Variants in TMEM132D observed in about 807,000 individuals in gnomAD.
The protein encoded by TMEM132D is transmembrane protein 132D.
TMEM132D carries 21 observed loss-of-function variants against 62.3 expected under a neutral mutation model. That is an observed-to-expected ratio of 0.34 (90% confidence interval 0.24 to 0.49). The LOEUF is 0.49. Among genes scored for constraint, TMEM132D ranks in the 20% least tolerant of loss-of-function variants. The pLI is 0.99. For missense variants in TMEM132D, 1,346 were observed against 1,402.8 expected (o/e 0.96, Z 0.65); for synonymous variants, 621 against 575.6 (o/e 1.08, Z -1.13).
chr12:129,495,055 T>C (rs1178423101), intron 3 of TMEM132D, among the ~76,000 whole-genome samples: 5 of 152,082 alleles, frequency 3.3e-5, no homozygotes, highest in African/African-American at 1.2e-4. Flanking sequence ...GCCAGAAACA[T>C]AGGCTGCCTG....
At chr12:129,623,682 T>C (rs1167009348) in intron 2 of TMEM132D, among the ~76,000 whole-genome samples, 42 of 138,934 alleles carry the variant, frequency 3.0e-4, no homozygotes, top group African/African-American at 1.1e-3. Context: ...TACACATATA[T>C]ATACATATAT....
chr12:129,750,411 T>C (rs1006648600), intron 1 of TMEM132D, among the ~76,000 whole-genome samples: 3 of 152,164 alleles, frequency 2.0e-5, no homozygotes, highest in Non-Finnish European at 4.4e-5. Flanking sequence ...ATGGAGAAAG[T>C]TATTTTCTAA....
rs369359238 is a variant in TMEM132D at position 129,646,625 on chromosome 12, A to G, written c.968+53185T>C. On this transcript the variant is annotated intron_variant, in intron 2 of 8. Transcript: ENST00000422113. ...ACTCTCTCTCTCCACTGAACTCTCT[A>G]TTTCCCCCAAGATAATTACAATCAT... is the stretch of plus-strand genomic sequence containing the variant. 9.9e-5 allele frequency among the ~76,000 whole-genome samples: 15 copies of G among 151,996 alleles called. No homozygotes were observed. The East Asian group carries it at 2.1e-3, about 22-fold the overall frequency.
chr12:129,245,496 T>C (rs575351960), intron 4 of TMEM132D, among the ~76,000 whole-genome samples: 96 of 152,336 alleles, frequency 6.3e-4, no homozygotes, highest in African/African-American at 2.2e-3. Context: ...TTGGCAATTA[T>C]GAATAAAGCT....
chr12:129,189,612 C>A (rs548413815), intron 5 of TMEM132D, among the ~76,000 whole-genome samples: 2 of 152,084 alleles, frequency 1.3e-5, no homozygotes, highest in Non-Finnish European at 2.9e-5. Flanking sequence ...GGAGTCCCCA[C>A]GGGAAATCAC....
chr12:129,089,885 C>G (rs916853331), intron 5 of TMEM132D, among the ~76,000 whole-genome samples: 2 of 152,240 alleles, frequency 1.3e-5, no homozygotes, highest in Admixed American at 1.3e-4. Context: ...GCCTCCTGCT[C>G]CAGGACAGCT....
chr12:129,244,322 C>G (rs1177979591), intron 4 of TMEM132D, among the ~76,000 whole-genome samples: 4 of 146,688 alleles, frequency 2.7e-5, no homozygotes, highest in Non-Finnish European at 4.5e-5. Context: ...GGAGGCGGAG[C>G]TTGCAGTGAG....
intron 2 of TMEM132D, among the ~76,000 whole-genome samples, chr12:129,645,064 C>G (rs1468532737): frequency 3.3e-5 from 5 of 151,522 alleles, no homozygotes; most frequent in Non-Finnish European, 7.4e-5. Flanking sequence ...AGATAAGTAG[C>G]CTTGCAAGGC....
At chr12:129,777,186 T>TC (rs911500814) in intron 1 of TMEM132D, among the ~76,000 whole-genome samples, 8 of 152,306 alleles carry the variant, frequency 5.3e-5, no homozygotes, top group African/African-American at 1.9e-4. Context: ...GAGTGGTGAT[T>TC]CAGCGGTGGT....
At chr12:129,748,239 T>G (rs1488061801) in intron 1 of TMEM132D, among the ~76,000 whole-genome samples, 8 of 152,164 alleles carry the variant, frequency 5.3e-5, no homozygotes, top group Non-Finnish European at 1.0e-4. Context: ...AAGAATGAAT[T>G]AGGATTTTCC....
At chr12:129,262,620 T>G (rs1325747305) in intron 4 of TMEM132D, 1 of 152,216 alleles carries the variant, frequency 6.6e-6, no homozygotes, top group Non-Finnish European at 1.5e-5. Context: ...ATCTCTTATG[T>G]TTTGAATACT....
At chr12:129,583,742 C>T (rs555255069) in intron 2 of TMEM132D, among the ~76,000 whole-genome samples, 2 of 152,280 alleles carry the variant, frequency 1.3e-5, no homozygotes, top group East Asian at 1.9e-4. Flanking sequence ...CAAAGAATCC[C>T]TTGGAGACAT....
At chr12:129,663,137 C>T (rs1305130167) in intron 2 of TMEM132D, among the ~76,000 whole-genome samples, 1 of 151,522 alleles carries the variant, frequency 6.6e-6, no homozygotes, top group Non-Finnish European at 1.5e-5. Context: ...CAACGTCTGC[C>T]CTTTTTTTTT....
intron 1 of TMEM132D, among the ~76,000 whole-genome samples, chr12:129,713,505 CT>C (rs554087748): frequency 6.6e-6 from 1 of 151,802 alleles, no homozygotes; most frequent in Non-Finnish European, 1.5e-5. Context: ...TCCAAGGCAA[CT>C]TTTTTTTCTT....
intron 2 of TMEM132D, among the ~76,000 whole-genome samples, chr12:129,636,906 T>C (rs1182357600): frequency 1.3e-5 from 2 of 152,156 alleles, no homozygotes; most frequent in East Asian, 3.9e-4. Context: ...CCAGTTACAC[T>C]GGCAACCTGA....
chr12:129,265,253 A>G (rs1880655394), intron 4 of TMEM132D, among the ~76,000 whole-genome samples: 1 of 152,166 alleles, frequency 6.6e-6, no homozygotes, highest in African/African-American at 2.4e-5. Flanking sequence ...AGTTACTCCC[A>G]TCAGAACCAT....
chr12:129,416,513 C>T (rs1039786736), intron 3 of TMEM132D, among the ~76,000 whole-genome samples: 1 of 152,070 alleles, frequency 6.6e-6, no homozygotes, highest in Non-Finnish European at 1.5e-5. Flanking sequence ...GACAATTTGA[C>T]CTCCTCTCTT....
chr12:129,267,169 GT>G (rs138179372), intron 4 of TMEM132D, among the ~76,000 whole-genome samples: 13,713 of 151,782 alleles, frequency 0.09, 782 homozygotes, highest in Admixed American at 0.18. Context: ...CCTGTTGAGG[GT>G]TTTTTTTCTT....
chr12:129,136,022 C>T (rs117124249), intron 5 of TMEM132D, among the ~76,000 whole-genome samples: 2,933 of 152,198 alleles, frequency 0.019, 42 homozygotes, highest in Middle Eastern at 0.13. Flanking sequence ...CTTTAAAATA[C>T]GAATTTTGGG....
Sources: gnomAD v4.1 joint callset for allele counts (sites outside exome capture counted in the v4.1 genomes callset) on GRCh38, gnomAD v4.1.1 for gene constraint, MANE v1.5 for transcripts, NCBI Gene and HGNC (gene_info 2026-07-23, HGNC 2026-07-21) for gene names.